TECPR2: variants seen among roughly 807,000 people sequenced by gnomAD.
TECPR2 encodes tectonin beta-propeller repeat containing 2, also known as tectonin beta-propeller repeat-containing protein 2.
TECPR2 carries 65 observed loss-of-function variants against 138.1 expected under a neutral mutation model. The observed-to-expected ratio is 0.47, with a 90% CI of 0.39 to 0.58. The LOEUF is 0.58. Ranked by LOEUF, TECPR2 falls within the 20% of genes least tolerant of loss-of-function variation. TECPR2 has a pLI of 0.00. For missense variants in TECPR2, 1,553 were observed against 1,824.5 expected, an observed-to-expected ratio of 0.85 and a Z score of 2.71; for synonymous variants, 746 against 749.8, an observed-to-expected ratio of 0.99 and a Z score of 0.08.
chr14:102,498,043 C>CTGTGCCCAAGCTCCCAGCTCCATA, intron 19 of TECPR2, 60 bp from the exon 20 acceptor site: 3 of 1,578,062 alleles, frequency 1.9e-6, no homozygotes, highest in South Asian at 1.2e-5. Context: ...CCAGCTCCAT[C>CTGTGCCCAAGCTCCCAGCTCCATA]TGTGCCCACC....
At position 102,420,053 on chromosome 14, in the gene TECPR2, G is replaced by T. The variant is rs1305022344; in HGVS notation, c.639-4926G>T. 6.6e-6 allele frequency among the ~76,000 whole-genome samples: 1 copy of T among 152,112 alleles called. No individual in the cohort carries two copies. Among genetic ancestry groups the T allele is most frequent in the Admixed American group, 6.6e-5 (1 of 15,266 alleles). On this transcript the variant is annotated intron_variant, in intron 5 of 19. Transcript: ENST00000359520. The surrounding 1 kb of genome is among the most constrained non-coding windows in gnomAD (Gnocchi z 4.1). The stretch of plus-strand genomic sequence containing the variant: ...CTTCTCACTCAGCTTAGACTTTCAG[G>T]CTCCCATTTTGGGTGCTGTCAGCTT...
At chr14:102,491,388 T>A (rs1386944366) in intron 17 of TECPR2, among the ~76,000 whole-genome samples, 3 of 152,176 alleles carry the variant, frequency 2.0e-5, no homozygotes, top group Non-Finnish European at 2.9e-5. Flanking sequence ...GATAATTTTT[T>A]AAATTTTGGT....
At chr14:102,368,030 TAA>T (rs368782014) in intron 1 of TECPR2, among the ~76,000 whole-genome samples, 20 of 117,872 alleles carry the variant, frequency 1.7e-4, no homozygotes, top group African/African-American at 6.9e-4. Context: ...TTTTTGGAAA[TAA>T]AGTCTCGCTC....
intron 3 of TECPR2, among the ~76,000 whole-genome samples, chr14:102,408,096 G>C (rs977471555): frequency 2.0e-5 from 3 of 151,882 alleles, no homozygotes; most frequent in Non-Finnish European, 4.4e-5. Context: ...TTGAACCCGG[G>C]AGGCAGAGGT....
intron 2 of TECPR2, among the ~76,000 whole-genome samples, chr14:102,388,300 A>G (rs1469181985): frequency 6.6e-6 from 1 of 151,862 alleles, no homozygotes; most frequent in Non-Finnish European, 1.5e-5. Flanking sequence ...TTTAACAGTG[A>G]CTCTTAGGGA....
At chr14:102,377,502 C>T (rs536229737) in intron 2 of TECPR2, among the ~76,000 whole-genome samples, 8 of 152,172 alleles carry the variant, frequency 5.3e-5, no homozygotes, top group East Asian at 1.9e-4. Flanking sequence ...GTCAGGAGTT[C>T]GAGACCAGCC....
intron 19 of TECPR2, among the ~76,000 whole-genome samples, 166 bp downstream of exon 19, chr14:102,497,885 C>T (rs1777008824): frequency 6.6e-6 from 1 of 152,238 alleles, no homozygotes; most frequent in African/African-American, 2.4e-5. Flanking sequence ...AGGGGCTGGA[C>T]ACCTGGGCTC....
At chr14:102,395,910 G>A (rs1046282857) in intron 2 of TECPR2, among the ~76,000 whole-genome samples, 7 of 152,088 alleles carry the variant, frequency 4.6e-5, no homozygotes, top group Non-Finnish European at 2.9e-5. Context: ...ATATTTAGAC[G>A]CATCATCTTA....
chr14:102,384,602 G>A (rs552634442), intron 2 of TECPR2, among the ~76,000 whole-genome samples: 4 of 151,666 alleles, frequency 2.6e-5, no homozygotes, highest in East Asian at 2.0e-4. Flanking sequence ...ACTTGAACCC[G>A]GGAGGCGGAG....
intron 13 of TECPR2, among the ~76,000 whole-genome samples, chr14:102,449,047 AG>A (rs1163628972): frequency 1.3e-5 from 2 of 152,240 alleles, no homozygotes; most frequent in African/African-American, 4.8e-5. Context: ...AGATCACTTG[AG>A]CCCAGAAGTT....
At chr14:102,363,948 G>A (rs939135047) in intron 1 of TECPR2, among the ~76,000 whole-genome samples, 9 of 152,234 alleles carry the variant, frequency 5.9e-5, no homozygotes, top group Non-Finnish European at 4.4e-5. Flanking sequence ...GACTTCTCAT[G>A]ACTTTAGTTT....
chr14:102,475,721 CA>C (rs951305179), intron 17 of TECPR2, among the ~76,000 whole-genome samples: 2 of 152,034 alleles, frequency 1.3e-5, no homozygotes, highest in African/African-American at 4.8e-5. Flanking sequence ...AACCAATTAA[CA>C]TTTACCCAAC....
At chr14:102,447,791 C>G (rs1890025829) in intron 13 of TECPR2, among the ~76,000 whole-genome samples, 1 of 152,046 alleles carries the variant, frequency 6.6e-6, no homozygotes, top group Admixed American at 6.6e-5. Context: ...CCTCAGCCTC[C>G]CAAAGTGCTG....
intron 1 of TECPR2, among the ~76,000 whole-genome samples, chr14:102,373,210 G>A (rs1325039397): frequency 3.3e-5 from 5 of 151,746 alleles, no homozygotes; most frequent in African/African-American, 9.7e-5. Flanking sequence ...TTTCTTTTTG[G>A]TGAGGATTTA....
rs147699177 is a variant in TECPR2, at chr14:102,390,508, T to C, written c.219+13568T>C. ...GGCTAGAATAAGACTGAATTGTCCC[T>C]AGATCAAAAAAAGAAGAGAATGTGT... On this transcript the variant is annotated intron_variant, in intron 2 of 19. Coordinates refer to ENST00000359520, the MANE Select transcript of TECPR2 (RefSeq NM_014844.5). 6.6e-5 allele frequency among the ~76,000 whole-genome samples: 10 copies of C among 152,020 alleles called. No homozygotes were observed. In the South Asian group the frequency reaches 1.5e-3, roughly 22 times the overall value.
chr14:102,497,810 C>T, intron 19 of TECPR2, 91 bp downstream of exon 19: 6 of 1,417,568 alleles, frequency 4.2e-6, no homozygotes, highest in Non-Finnish European at 5.6e-6. Context: ...AAGCCGACCC[C>T]ACTGGGCTCC....
intron 1 of TECPR2, among the ~76,000 whole-genome samples, chr14:102,369,933 C>G (rs141955497): frequency 2.0e-5 from 3 of 151,776 alleles, no homozygotes; most frequent in East Asian, 3.9e-4. Context: ...CCAGCCTGGG[C>G]GACAGAGTGA....
In TECPR2 at chr14:102,424,394, G is replaced by A. The variant is rs191581035; in HGVS notation, c.639-585G>A. On this transcript the variant is annotated intron_variant, in intron 5 of 19. Transcript: ENST00000359520. ...TCACCCAGGTTGGAGTACAGTAGTG[G>A]CACTATCTCAGCTCACTGCAAACTC... 3.4e-3 allele frequency among the ~76,000 whole-genome samples: 517 copies of A among 152,284 alleles called. 5 individuals carry two copies. Among genetic ancestry groups the A allele is most frequent in the African/African-American group, 0.012 (488 of 41,544 alleles).
At chr14:102,426,042 G>T (rs1396888416) in intron 6 of TECPR2, among the ~76,000 whole-genome samples, 1 of 151,072 alleles carries the variant, frequency 6.6e-6, no homozygotes, top group Non-Finnish European at 1.5e-5. Context: ...GCACCACCAC[G>T]CCTGGCTAAT....
Sources: gnomAD v4.1 joint callset for allele counts (sites outside exome capture counted in the v4.1 genomes callset) on GRCh38, gnomAD v4.1.1 for gene constraint, Gnocchi (gnomAD v3.1) non-coding constraint, MANE v1.5 for transcripts, NCBI Gene and HGNC (gene_info 2026-07-23, HGNC 2026-07-21) for gene names.